Variants in ASAP1 observed in about 807,000 individuals in gnomAD.
ASAP1 encodes the protein arf-GAP with SH3 domain, ANK repeat and PH domain-containing protein 1.
Under a neutral mutation model 145.2 loss-of-function variants are expected in ASAP1, and 43 were observed. The observed-to-expected ratio is 0.30, with a 90% CI of 0.23 to 0.38. The LOEUF (loss-of-function observed/expected upper bound fraction) is 0.38. ASAP1 is among the 10% of genes least tolerant of loss of function. The pLI, the probability that ASAP1 is intolerant of heterozygous loss-of-function variation, is 1.00. For synonymous variants in ASAP1, 546 were observed against 515.5 expected (o/e 1.06, Z -0.80); for missense variants, 1,018 against 1,355.3 (o/e 0.75, Z 3.91).
intron 3 of ASAP1, among the ~76,000 whole-genome samples, chr8:130,259,755 T>C (rs957367089): frequency 6.6e-6 from 1 of 152,228 alleles, no homozygotes; most frequent in Non-Finnish European, 1.5e-5. Context: ...AATTCTACAA[T>C]GTCTTCACTT....
At chr8:130,171,017 A>T (rs915680496) in intron 9 of ASAP1, among the ~76,000 whole-genome samples, 1 of 152,158 alleles carries the variant, frequency 6.6e-6, no homozygotes, top group Non-Finnish European at 1.5e-5. Flanking sequence ...TGCCTGGCCT[A>T]AACCCTTATT....
Position 130,353,488 on chromosome 8 carries a change from A to G in ASAP1, c.186+4529T>C, listed in dbSNP as rs549272068. Among the ~76,000 whole-genome samples the G allele has an allele frequency of 1.3e-4, 20 of 152,366 alleles. No homozygotes were observed. In the South Asian group the frequency reaches 3.5e-3, roughly 27 times the overall value. The stretch of plus-strand genomic sequence containing the variant: ...CAAAACTTGAAGGTGCAATGACAGC[A>G]AAGTCTCCTATGTTCCCTATAAAGC... On this transcript the variant is annotated intron_variant, in intron 3 of 29. Transcript: ENST00000518721.
intron 7 of ASAP1, among the ~76,000 whole-genome samples, chr8:130,185,432 C>A (rs558802014): frequency 6.6e-6 from 1 of 151,924 alleles, no homozygotes; most frequent in Non-Finnish European, 1.5e-5. Context: ...GAGGACAATA[C>A]AGAAAAATGA....
intron 5 of ASAP1, among the ~76,000 whole-genome samples, chr8:130,189,077 G>A (rs188432021): frequency 6.6e-6 from 1 of 152,084 alleles, no homozygotes; most frequent in Non-Finnish European, 1.5e-5. Flanking sequence ...AAGTACATGT[G>A]AAATTTGATA....
intron 24 of ASAP1, among the ~76,000 whole-genome samples, chr8:130,107,406 C>T (rs1337799954): frequency 2.0e-5 from 3 of 151,330 alleles, no homozygotes; most frequent in Admixed American, 6.6e-5. Context: ...AGGATGGTCT[C>T]GATCTCCTGA....
intron 3 of ASAP1, among the ~76,000 whole-genome samples, chr8:130,289,656 G>A (rs1334497578): frequency 6.6e-6 from 1 of 152,196 alleles, no homozygotes; most frequent in East Asian, 1.9e-4. Context: ...ATGTTATAAA[G>A]AGTGGTTATA....
At chr8:130,143,925 T>C (rs1186515759) in intron 13 of ASAP1, among the ~76,000 whole-genome samples, 1 of 152,202 alleles carries the variant, frequency 6.6e-6, no homozygotes, top group Non-Finnish European at 1.5e-5. Context: ...TGAATTGCTC[T>C]GCTTTACAAA....
chr8:130,177,787 T>C lies in ASAP1; in HGVS notation c.746+1477A>G, dbSNP rs1440758986. Among the ~76,000 whole-genome samples, 6 of 152,164 alleles carry C rather than the reference T, an allele frequency of 3.9e-5. No homozygotes were observed. In the East Asian group the frequency reaches 1.2e-3, roughly 29 times the overall value. Reference sequence around the variant, plus strand: ...GAAATATCCTAGACAATAAAATATATAAATAAATAATTTTAAATGCCACTT... The same window carrying C: ...GAAATATCCTAGACAATAAAATATACAAATAAATAATTTTAAATGCCACTT... On this transcript the variant is annotated intron_variant, in intron 9 of 29. Transcript: ENST00000518721.
intron 15 of ASAP1, among the ~76,000 whole-genome samples, chr8:130,131,603 GAAAAAAA>G (rs1159191172): frequency 0.43 from 26,523 of 61,996 alleles, 3,985 homozygotes; most frequent in East Asian, 0.63. Context: ...CATGGCTACT[GAAAAAAA>G]AAAAAAAAAA....
At chr8:130,177,617 T>A (rs1016840294) in intron 9 of ASAP1, among the ~76,000 whole-genome samples, 8 of 152,174 alleles carry the variant, frequency 5.3e-5, no homozygotes, top group Non-Finnish European at 8.8e-5. Flanking sequence ...ACAAACTTAA[T>A]CTTAAGAAGG....
intron 3 of ASAP1, among the ~76,000 whole-genome samples, chr8:130,324,921 C>T (rs890697799): frequency 6.6e-6 from 1 of 152,188 alleles, no homozygotes; most frequent in African/African-American, 2.4e-5. Context: ...GACAGTCTGC[C>T]TCGTAACCCC....
At position 130,358,599 on chromosome 8, in the gene ASAP1, C is replaced by T. The variant is rs892908268; in HGVS notation, c.60-456G>A. On this transcript the variant is annotated intron_variant, in intron 2 of 29. Transcript: ENST00000518721. The surrounding 1 kb of genome is among the most constrained non-coding windows in gnomAD (Gnocchi z 4.1). ...GGCGGCGCGGGCCTGACTGACTGAGCGCACACTCCCGCGGCGGGCGGGCGG... is the reference window on the plus strand; with the variant it reads ...GGCGGCGCGGGCCTGACTGACTGAGTGCACACTCCCGCGGCGGGCGGGCGG... Among the ~76,000 whole-genome samples the T allele has an allele frequency of 2.0e-5, 3 of 146,690 alleles. No homozygotes were observed. The highest frequency in any genetic ancestry group is 2.0e-4 in the East Asian group (1 of 5,048).
At chr8:130,373,155 CTCA>C (rs1827310116) in intron 2 of ASAP1, among the ~76,000 whole-genome samples, 1 of 143,784 alleles carries the variant, frequency 7.0e-6, no homozygotes, top group Non-Finnish European at 1.5e-5. Context: ...CACACAGAGT[CTCA>C]TCTTTTCTGG....
At chr8:130,089,396 C>T (rs1390363006) in intron 25 of ASAP1, among the ~76,000 whole-genome samples, 6 of 152,124 alleles carry the variant, frequency 3.9e-5, no homozygotes, top group Non-Finnish European at 8.8e-5. Flanking sequence ...ACTACCTGCT[C>T]GTGCCTGGTG....
intron 9 of ASAP1, among the ~76,000 whole-genome samples, chr8:130,177,658 T>A (rs2136149289): frequency 6.6e-6 from 1 of 152,322 alleles, no homozygotes; most frequent in East Asian, 1.9e-4. Context: ...ATATTATTTT[T>A]ATTTTTGAAA....
intron 27 of ASAP1, among the ~76,000 whole-genome samples, chr8:130,065,306 C>T (rs1445066588): frequency 2.0e-5 from 3 of 152,164 alleles, no homozygotes; most frequent in African/African-American, 7.2e-5. Context: ...GTGTCGCCCT[C>T]CCGGCACGTG....
chr8:130,291,687 C>T (rs1476697037), intron 3 of ASAP1, among the ~76,000 whole-genome samples: 1 of 152,122 alleles, frequency 6.6e-6, no homozygotes, highest in Non-Finnish European at 1.5e-5. Flanking sequence ...ATGTTTCATA[C>T]ATACCTTGAA....
At chr8:130,340,048 G>A (rs1441283893) in intron 3 of ASAP1, among the ~76,000 whole-genome samples, 1 of 152,168 alleles carries the variant, frequency 6.6e-6, no homozygotes, top group Non-Finnish European at 1.5e-5. Context: ...TGGGTCGCAG[G>A]CTTTGGAGAT....
At chr8:130,066,368 G>A (rs926684724) in intron 27 of ASAP1, among the ~76,000 whole-genome samples, 2 of 152,056 alleles carry the variant, frequency 1.3e-5, no homozygotes, top group African/African-American at 4.8e-5. Flanking sequence ...ACAGTACATG[G>A]GTGGTGTTAA....
Sources: allele counts gnomAD v4.1 joint callset (sites outside exome capture counted in the v4.1 genomes callset), GRCh38; gene constraint gnomAD v4.1.1; non-coding constraint Gnocchi (gnomAD v3.1); transcripts MANE v1.5; gene names NCBI Gene and HGNC (gene_info 2026-07-23, HGNC 2026-07-21).